Variants in DIAPH2 observed in about 807,000 individuals in gnomAD.
The protein encoded by DIAPH2 is diaphanous related formin 2, also known as protein diaphanous homolog 2.
DIAPH2 carries 35 observed loss-of-function variants against 92.7 expected under a neutral mutation model. The ratio of observed to expected loss-of-function variants is 0.38; its 90% CI spans 0.29 to 0.50. DIAPH2 has a LOEUF of 0.50. Ranked by LOEUF, DIAPH2 falls within the 20% of genes least tolerant of loss-of-function variation. The probability of loss-of-function intolerance (pLI) is 0.94; values close to 1 mark genes in which losing one functional copy is unlikely to be tolerated. For missense variants in DIAPH2, 701 were observed against 819.5 expected (o/e 0.86, Z 1.77); for synonymous variants, 301 against 280.4 (o/e 1.07, Z -0.73).
intron 4 of DIAPH2, among the ~76,000 whole-genome samples, chrX:96,833,050 A>G (rs2064865589): frequency 9.0e-6 from 1 of 111,485 alleles, no homozygotes; most frequent in Non-Finnish European, 1.9e-5. Context: ...ATACATACAT[A>G]CAACATAATT....
intron 26 of DIAPH2, among the ~76,000 whole-genome samples, chrX:97,483,977 TA>T (rs1491467863): frequency 8.9e-6 from 1 of 111,949 alleles, no homozygotes; most frequent in Non-Finnish European, 1.9e-5. Context: ...GAAAATCTTT[TA>T]AAAAAATCAT....
intron 23 of DIAPH2, among the ~76,000 whole-genome samples, chrX:97,317,447 A>G (rs1041172934): frequency 8.9e-6 from 1 of 112,180 alleles, no homozygotes; most frequent in African/African-American, 3.2e-5. Context: ...ATGATTCAGT[A>G]TTTTAGTTGA....
chrX:97,487,058 C>T (rs2070694149), intron 26 of DIAPH2, among the ~76,000 whole-genome samples: 1 of 112,062 alleles, frequency 8.9e-6, no homozygotes, highest in Admixed American at 9.5e-5. Flanking sequence ...TAGCATATGT[C>T]TCCAGGTTCA....
chrX:96,939,504 ATATATATGTATG>A (rs1395211507), intron 12 of DIAPH2, 122 bp downstream of exon 12: 4 of 72,543 alleles, frequency 5.5e-5, no homozygotes, highest in Non-Finnish European at 9.5e-5. Context: ...ATATATGTAT[ATATATATGTATG>A]TATATATATA....
chrX:97,003,224 C>A (rs2066156914), intron 17 of DIAPH2, among the ~76,000 whole-genome samples: 1 of 110,956 alleles, frequency 9.0e-6, no homozygotes, highest in Admixed American at 9.6e-5. Flanking sequence ...TTGTTTTGTT[C>A]CAAATCTTAG....
chrX:97,521,470 A>G (rs2070990647), intron 26 of DIAPH2, among the ~76,000 whole-genome samples: 1 of 111,565 alleles, frequency 9.0e-6, no homozygotes, highest in Admixed American at 9.5e-5. Context: ...ATTTTCATTT[A>G]CTTCTAAGGA....
intron 1 of DIAPH2, among the ~76,000 whole-genome samples, chrX:96,705,275 G>A (rs745513737): frequency 9.0e-5 from 10 of 111,542 alleles, no homozygotes; most frequent in Non-Finnish European, 1.3e-4. Flanking sequence ...GGCCAAAACC[G>A]AGTTTTGAGG....
chrX:97,596,252 G>A (rs145471435), intron 26 of DIAPH2, among the ~76,000 whole-genome samples: 7,798 of 111,379 alleles, frequency 0.07, 288 homozygotes, highest in Non-Finnish European at 0.11. Flanking sequence ...GACAAATCAT[G>A]TTACCCCATC....
At chrX:97,190,912 A>T (rs2067647619) in intron 22 of DIAPH2, among the ~76,000 whole-genome samples, 2 of 109,492 alleles carry the variant, frequency 1.8e-5, no homozygotes, top group African/African-American at 6.7e-5. Flanking sequence ...CCAGTTCATT[A>T]TCTGAAGTCA....
At chrX:97,481,507 AG>A (rs1452124267) in intron 26 of DIAPH2, among the ~76,000 whole-genome samples, 1 of 111,847 alleles carries the variant, frequency 8.9e-6, no homozygotes, top group East Asian at 2.8e-4. Flanking sequence ...CAGATAATCA[AG>A]GGTGAGGGAT....
intron 4 of DIAPH2, among the ~76,000 whole-genome samples, chrX:96,844,631 T>C (rs1289302928): frequency 3.6e-5 from 4 of 112,515 alleles, no homozygotes; most frequent in Non-Finnish European, 7.5e-5. Flanking sequence ...AAATGCTTAA[T>C]TGTTTTAATC....
In DIAPH2 at chrX:96,804,397, A is replaced by G. The variant is rs570548859; in HGVS notation, c.447+46139A>G. On this transcript the variant is annotated intron_variant, in intron 4 of 26. Transcript: ENST00000324765. ...CTCTCTACCACCCTAAAGTCCCAACATTCCCCATTCTCCATTTAGCAAATA... is the reference window on the plus strand; with the variant it reads ...CTCTCTACCACCCTAAAGTCCCAACGTTCCCCATTCTCCATTTAGCAAATA... Among the ~76,000 whole-genome samples the G allele has an allele frequency of 5.4e-5, 6 of 111,847 alleles. No homozygotes were observed. The South Asian group carries it at 2.3e-3, about 42-fold the overall frequency.
At chrX:96,802,730 T>G (rs2147650576) in intron 4 of DIAPH2, among the ~76,000 whole-genome samples, 1 of 111,322 alleles carries the variant, frequency 9.0e-6, no homozygotes, top group South Asian at 3.8e-4. Flanking sequence ...GGGAGTTTAT[T>G]AAGGAGTATT....
At chrX:96,708,262 T>G (rs2063897947) in intron 1 of DIAPH2, among the ~76,000 whole-genome samples, 1 of 79,017 alleles carries the variant, frequency 1.3e-5, no homozygotes, top group Middle Eastern at 7.0e-3. Flanking sequence ...TTTTTTTTTT[T>G]GAGGTGGAGT....
intron 4 of DIAPH2, among the ~76,000 whole-genome samples, chrX:96,806,680 T>A (rs1291256769): frequency 3.2e-5 from 3 of 92,783 alleles, no homozygotes; most frequent in Admixed American, 1.2e-4. Flanking sequence ...AAAGAAATTA[T>A]ATTTCATTTG....
chrX:97,163,307 C>T (rs940832030), intron 22 of DIAPH2, among the ~76,000 whole-genome samples: 1 of 111,209 alleles, frequency 9.0e-6, no homozygotes, highest in Admixed American at 9.6e-5. Flanking sequence ...GCCCCCACCC[C>T]TACCTCGCCA....
intron 5 of DIAPH2, among the ~76,000 whole-genome samples, chrX:96,900,828 A>G (rs925474637): frequency 8.9e-6 from 1 of 111,848 alleles, no homozygotes; most frequent in Non-Finnish European, 1.9e-5. Flanking sequence ...TGATTCCGAT[A>G]TATTATGTTT....
intron 22 of DIAPH2, among the ~76,000 whole-genome samples, chrX:97,185,355 G>A (rs74499965): frequency 0.12 from 1,222 of 10,311 alleles, 164 homozygotes; most frequent in South Asian, 0.23. Flanking sequence ...ATATATATGT[G>A]TGTATATATA....
intron 26 of DIAPH2, among the ~76,000 whole-genome samples, chrX:97,522,495 T>G (rs73554325): frequency 0.018 from 1,989 of 112,292 alleles, 45 homozygotes; most frequent in African/African-American, 0.061. Context: ...ATTAATGAGT[T>G]GTTGATGCAT....
Sources: allele counts gnomAD v4.1 joint callset (sites outside exome capture counted in the v4.1 genomes callset), GRCh38; gene constraint gnomAD v4.1.1; transcripts MANE v1.5; gene names NCBI Gene and HGNC (gene_info 2026-07-23, HGNC 2026-07-21).